PRDM5: variants seen among roughly 807,000 people sequenced by gnomAD.
PRDM5 encodes the protein PR/SET domain 5.
PRDM5 carries 56 observed loss-of-function variants against 81.2 expected under a neutral mutation model. The observed-to-expected ratio is 0.69, with a 90% CI of 0.56 to 0.86. The LOEUF (loss-of-function observed/expected upper bound fraction) is 0.86, where lower values mean the gene tolerates loss of function less well. PRDM5 is among the 40% of genes least tolerant of loss of function. The pLI, the probability that PRDM5 is intolerant of heterozygous loss-of-function variation, is 0.00. For missense variants in PRDM5, 697 were observed against 770.1 expected, an observed-to-expected ratio of 0.91 and a Z score of 1.12; for synonymous variants, 267 against 256.4, an observed-to-expected ratio of 1.04 and a Z score of -0.39.
At chr4:120,697,678 T>C (rs1394959312) in intron 15 of PRDM5, among the ~76,000 whole-genome samples, 1 of 146,644 alleles carries the variant, frequency 6.8e-6, no homozygotes, top group Admixed American at 6.8e-5. Context: ...CTATTTTTTT[T>C]TTTTTTTTTT....
chr4:120,756,230 T>G (rs1227720317), intron 13 of PRDM5, among the ~76,000 whole-genome samples: 1 of 152,194 alleles, frequency 6.6e-6, no homozygotes, highest in East Asian at 1.9e-4. Context: ...AATCTCCATG[T>G]ACACATATGT....
At chr4:120,771,017 C>T (rs2149209214) in intron 13 of PRDM5, among the ~76,000 whole-genome samples, 1 of 152,024 alleles carries the variant, frequency 6.6e-6, no homozygotes, top group Middle Eastern at 3.4e-3. Flanking sequence ...GTTTTTGTAA[C>T]ATCTTTCTCA....
intron 2 of PRDM5, among the ~76,000 whole-genome samples, chr4:120,888,171 G>A (rs914612282): frequency 1.3e-5 from 2 of 152,144 alleles, no homozygotes; most frequent in Non-Finnish European, 2.9e-5. Flanking sequence ...ACTGAAAGGC[G>A]CAGAAACTTG....
chr4:120,687,516 T>C (rs1733882871), downstream of PRDM5, among the ~76,000 whole-genome samples: 1 of 152,182 alleles, frequency 6.6e-6, no homozygotes, highest in Non-Finnish European at 1.5e-5. Context: ...AAATTTTCTT[T>C]ATCCATTCAT....
chr4:120,795,955 T>C (rs900466727), intron 10 of PRDM5, among the ~76,000 whole-genome samples: 2 of 152,086 alleles, frequency 1.3e-5, no homozygotes, highest in Non-Finnish European at 2.9e-5. Flanking sequence ...ATAATCACAA[T>C]GAAAAATAAT....
At chr4:120,804,285 A>C (rs1752574630) in intron 8 of PRDM5, among the ~76,000 whole-genome samples, 1 of 142,340 alleles carries the variant, frequency 7.0e-6, no homozygotes, top group Non-Finnish European at 1.5e-5. Flanking sequence ...AACATTAGAC[A>C]GATCAATGAG....
chr4:120,762,859 G>T (rs1745833200), intron 13 of PRDM5: 1 of 152,026 alleles, frequency 6.6e-6, no homozygotes, highest in Non-Finnish European at 1.5e-5. Context: ...TAAACCCAAG[G>T]ACACCATCTT....
At chr4:120,764,259 G>A (rs1465159898) in intron 13 of PRDM5, among the ~76,000 whole-genome samples, 1 of 152,026 alleles carries the variant, frequency 6.6e-6, no homozygotes, top group African/African-American at 2.4e-5. Flanking sequence ...TATGAACTAC[G>A]TAAATGACAG....
chr4:120,767,588 G>A (rs553758996), intron 13 of PRDM5, among the ~76,000 whole-genome samples: 2 of 152,274 alleles, frequency 1.3e-5, no homozygotes, highest in Non-Finnish European at 1.5e-5. Context: ...ATATTCAAAG[G>A]TCCAACTGCC....
At chr4:120,717,857 A>T (rs1203475653) in intron 14 of PRDM5, among the ~76,000 whole-genome samples, 4 of 152,250 alleles carry the variant, frequency 2.6e-5, no homozygotes, top group African/African-American at 9.6e-5. Flanking sequence ...AAATAAAATC[A>T]GTGAGCTCTT....
intron 15 of PRDM5, among the ~76,000 whole-genome samples, chr4:120,699,161 A>AATATAAATATAAATAT (rs1286927101): frequency 2.7e-5 from 2 of 73,484 alleles, no homozygotes; most frequent in Non-Finnish European, 5.7e-5. Flanking sequence ...AGGAAATATA[A>AATATAAATATAAATAT]ATATATATAT....
At chr4:120,852,603 A>G (rs1294449988) in intron 3 of PRDM5, among the ~76,000 whole-genome samples, 1 of 152,066 alleles carries the variant, frequency 6.6e-6, no homozygotes, top group Non-Finnish European at 1.5e-5. Context: ...AGCAATGTAG[A>G]TTTTAAACTT....
intron 3 of PRDM5, among the ~76,000 whole-genome samples, chr4:120,826,819 A>G (rs572488044): frequency 6.6e-6 from 1 of 152,278 alleles, no homozygotes; most frequent in South Asian, 2.1e-4. Context: ...GACAGACTGT[A>G]TATGGAGTGT....
intron 2 of PRDM5, among the ~76,000 whole-genome samples, chr4:120,855,348 C>A (rs995932685): frequency 1.3e-5 from 2 of 152,138 alleles, no homozygotes; most frequent in African/African-American, 4.8e-5. Context: ...ATAAATACCT[C>A]ATATTTACAT....
At chr4:120,848,437 C>T (rs933046487) in intron 3 of PRDM5, among the ~76,000 whole-genome samples, 2 of 152,180 alleles carry the variant, frequency 1.3e-5, no homozygotes, top group African/African-American at 4.8e-5. Flanking sequence ...AACCCAGTCA[C>T]TCACTTGCTG....
chr4:120,701,315 C>A (rs2149000168), intron 15 of PRDM5, among the ~76,000 whole-genome samples: 1 of 152,170 alleles, frequency 6.6e-6, no homozygotes, highest in South Asian at 2.1e-4. Context: ...ATCTAGTAAT[C>A]CCATTCATTA....
chr4:120,798,336 G>A lies in PRDM5; in HGVS notation c.1119C>T (p.Asp373=). ...VGAHKVIHSE[D]KPYKCKLCGK... is the part of the protein sequence containing the mutation. ...CACAAAGTTTGCATTTGTAAGGTTTGTCTTCGCTGTGTATTACTTTGTGAG... is the reference window on the plus strand; with the variant it reads ...CACAAAGTTTGCATTTGTAAGGTTTATCTTCGCTGTGTATTACTTTGTGAG... The change falls in exon 10 of 16, where the codon GAC becomes GAT. Residue 373 remains aspartate (D), a synonymous_variant. Coordinates refer to ENST00000264808, the MANE Select transcript of PRDM5 (RefSeq NM_018699.4). The A allele has an allele frequency of 6.2e-7, 1 of 1,613,128 alleles. No individual in the cohort carries two copies.
chr4:120,872,935 C>T (rs1761982024), intron 2 of PRDM5, among the ~76,000 whole-genome samples: 1 of 151,988 alleles, frequency 6.6e-6, no homozygotes, highest in South Asian at 2.1e-4. Context: ...CACTACTGAA[C>T]TCTACACTTA....
intron 14 of PRDM5, among the ~76,000 whole-genome samples, chr4:120,727,663 C>T (rs767073268): frequency 1.3e-5 from 2 of 152,068 alleles, no homozygotes; most frequent in South Asian, 2.1e-4. Flanking sequence ...GGGCCAGGCA[C>T]GGTGGCTCAC....
Sources: gnomAD v4.1 joint callset for allele counts (sites outside exome capture counted in the v4.1 genomes callset) on GRCh38, gnomAD v4.1.1 for gene constraint, MANE v1.5 for transcripts, NCBI Gene and HGNC (gene_info 2026-07-23, HGNC 2026-07-21) for gene names.